The following CADM2 variants were observed in gnomAD, a reference collection of about 807,000 sequenced individuals.
The protein encoded by CADM2 is immunoglobulin superfamily member 4D.
A neutral mutation model predicts 49.8 loss-of-function variants in CADM2; 12 were observed. The ratio of observed to expected loss-of-function variants is 0.24; its 90% confidence interval spans 0.15 to 0.39. CADM2 has a LOEUF of 0.39. CADM2 is among the 10% of genes least tolerant of loss of function. The probability of loss-of-function intolerance (pLI) is 1.00; values close to 1 mark genes in which losing one functional copy is unlikely to be tolerated. For synonymous variants in CADM2, 214 were observed against 175.4 expected (o/e 1.22, Z -1.74); for missense variants, 378 against 492.3 (o/e 0.77, Z 2.20).
chr3:85,184,543 G>C (rs1372468307), intron 1 of CADM2, among the ~76,000 whole-genome samples: 1 of 151,988 alleles, frequency 6.6e-6, no homozygotes, highest in East Asian at 1.9e-4. Context: ...TATATGTGAT[G>C]CTAAAATGAA....
chr3:85,449,025 C>T (rs1016224081), intron 1 of CADM2, among the ~76,000 whole-genome samples: 4 of 138,684 alleles, frequency 2.9e-5, no homozygotes, highest in South Asian at 2.3e-4. Flanking sequence ...ACTCCAGCCT[C>T]GGCAAAGGGG....
intron 8 of CADM2, among the ~76,000 whole-genome samples, chr3:85,963,990 A>G (rs1725164496): frequency 6.6e-6 from 1 of 151,870 alleles, no homozygotes; most frequent in South Asian, 2.1e-4. Context: ...AAACCATATT[A>G]TGCTGTGTTT....
intron 5 of CADM2, among the ~76,000 whole-genome samples, chr3:85,886,808 T>A (rs1381309533): frequency 1.3e-5 from 2 of 152,156 alleles, no homozygotes; most frequent in Non-Finnish European, 2.9e-5. Context: ...GGCAAAAATG[T>A]GTACTTGTCT....
chr3:84,990,011 A>G (rs2032793166), intron 1 of CADM2, among the ~76,000 whole-genome samples: 1 of 151,930 alleles, frequency 6.6e-6, no homozygotes, highest in Non-Finnish European at 1.5e-5. Flanking sequence ...AGTGATGAAT[A>G]TTTAAGTGTG....
chr3:85,415,498 T>G (rs1377277380), intron 1 of CADM2, among the ~76,000 whole-genome samples: 1 of 151,992 alleles, frequency 6.6e-6, no homozygotes, highest in Non-Finnish European at 1.5e-5. Flanking sequence ...ATGTTCTTTG[T>G]CTCTACAAAT....
chr3:85,716,732 A>G (rs2067307122), intron 1 of CADM2, among the ~76,000 whole-genome samples: 1 of 152,170 alleles, frequency 6.6e-6, no homozygotes, highest in South Asian at 2.1e-4. Context: ...CAGTTTTCCC[A>G]ACACCATTTA....
At chr3:85,542,021 A>T (rs1027141457) in intron 1 of CADM2, among the ~76,000 whole-genome samples, 3 of 151,882 alleles carry the variant, frequency 2.0e-5, no homozygotes, top group Admixed American at 6.6e-5. Flanking sequence ...ATAATCTATC[A>T]TCTCTCAGTG....
intron 1 of CADM2, among the ~76,000 whole-genome samples, chr3:85,403,051 T>G (rs2035195238): frequency 6.6e-6 from 1 of 152,150 alleles, no homozygotes. Context: ...GCTATTCTCC[T>G]TTAAGATGTA....
chr3:85,840,040 T>A (rs546769882), intron 3 of CADM2, among the ~76,000 whole-genome samples: 14 of 151,764 alleles, frequency 9.2e-5, no homozygotes, highest in Non-Finnish European at 1.8e-4. Flanking sequence ...AATTTACCAG[T>A]TCACTCTCCT....
chr3:85,768,682 TAC>T (rs1159807887), intron 2 of CADM2, among the ~76,000 whole-genome samples: 2 of 146,318 alleles, frequency 1.4e-5, no homozygotes, highest in African/African-American at 5.0e-5. Flanking sequence ...AATATATATA[TAC>T]ACATATATAG....
chr3:85,014,829 C>A (rs1489361153), intron 1 of CADM2, among the ~76,000 whole-genome samples: 1 of 152,092 alleles, frequency 6.6e-6, no homozygotes, highest in Admixed American at 6.6e-5. Context: ...ATTATGCTTT[C>A]GGGCACGCAA....
chr3:84,975,693 T>C (rs1376558621), intron 1 of CADM2, among the ~76,000 whole-genome samples: 2 of 151,834 alleles, frequency 1.3e-5, no homozygotes, highest in Non-Finnish European at 3.0e-5. Flanking sequence ...CTCAACATTA[T>C]AGAGAAAACT....
intron 1 of CADM2, among the ~76,000 whole-genome samples, chr3:85,206,751 T>C (rs1362257583): frequency 1.3e-5 from 2 of 151,458 alleles, no homozygotes; most frequent in Non-Finnish European, 2.9e-5. Flanking sequence ...TAATCTACTT[T>C]ATATCTACTT....
At chr3:85,301,092 CA>C (rs2106989703) in intron 1 of CADM2, among the ~76,000 whole-genome samples, 1 of 152,080 alleles carries the variant, frequency 6.6e-6, no homozygotes, top group South Asian at 2.1e-4. Context: ...CAATAAGATA[CA>C]AACGACATTA....
At chr3:85,034,790 C>CTTTTTTTT (rs1179967499) in intron 1 of CADM2, among the ~76,000 whole-genome samples, 12 of 84,056 alleles carry the variant, frequency 1.4e-4, no homozygotes, top group South Asian at 8.5e-4. Flanking sequence ...AGACATTTTG[C>CTTTTTTTT]TTTTTTTTTT....
chr3:85,872,284 C>T (rs1288237582), intron 3 of CADM2, among the ~76,000 whole-genome samples: 2 of 152,292 alleles, frequency 1.3e-5, no homozygotes, highest in Non-Finnish European at 2.9e-5. Context: ...AGCTTTCTCT[C>T]TGGGTTTCAG....
At chr3:85,818,329 A>G (rs981357955) in intron 3 of CADM2, among the ~76,000 whole-genome samples, 4 of 152,096 alleles carry the variant, frequency 2.6e-5, no homozygotes, top group African/African-American at 4.8e-5. Flanking sequence ...TGAGAAATGT[A>G]TGAAAGAGGC....
At chr3:85,457,419 A>G (rs1268941293) in intron 1 of CADM2, among the ~76,000 whole-genome samples, 1 of 152,046 alleles carries the variant, frequency 6.6e-6, no homozygotes, top group Non-Finnish European at 1.5e-5. Context: ...TCTCAAGGAA[A>G]AAAAAAAAAT....
At chr3:85,044,426 C>T (rs1312787895) in intron 1 of CADM2, among the ~76,000 whole-genome samples, 2 of 152,142 alleles carry the variant, frequency 1.3e-5, no homozygotes, top group Admixed American at 1.3e-4. Context: ...ATGAAACTTG[C>T]TTTTCACAGA....
Sources: allele counts gnomAD v4.1 joint callset (sites outside exome capture counted in the v4.1 genomes callset), GRCh38; gene constraint gnomAD v4.1.1; transcripts MANE v1.5; gene names NCBI Gene and HGNC (gene_info 2026-07-23, HGNC 2026-07-21).